Variants in SUN3 observed in about 807,000 individuals in gnomAD.
SUN3 encodes the protein SUN domain-containing protein 3.
A neutral mutation model predicts 48.2 loss-of-function variants in SUN3; 36 were observed. The ratio of observed to expected loss-of-function variants is 0.75; its 90% CI spans 0.57 to 0.99. The LOEUF is 0.99. Ranked by LOEUF, SUN3 falls within the 50% of genes least tolerant of loss-of-function variation. The pLI, the probability that SUN3 is intolerant of heterozygous loss-of-function variation, is 0.00. For missense variants in SUN3, 419 were observed against 433.1 expected (o/e 0.97, Z 0.29); for synonymous variants, 148 against 147.9 (o/e 1.00, Z 0.00).
upstream of SUN3, among the ~76,000 whole-genome samples, chr7:48,033,596 C>T (rs1177466464): frequency 1.3e-5 from 2 of 152,074 alleles, no homozygotes; most frequent in African/African-American, 4.8e-5. Context: ...TAAAAAGTTT[C>T]TTCTAAGGAA....
intron 5 of SUN3, 142 bp downstream of exon 5, chr7:48,007,023 C>A (rs1183232219): frequency 1.6e-5 from 12 of 768,972 alleles, no homozygotes; most frequent in Non-Finnish European, 2.2e-5. Flanking sequence ...TGTACACAAA[C>A]CAAATATCAG....
At chr7:48,007,937 C>T (rs1789577379) in intron 4 of SUN3, among the ~76,000 whole-genome samples, 1 of 151,648 alleles carries the variant, frequency 6.6e-6, no homozygotes, top group South Asian at 2.1e-4. Context: ...GATTCTCTTG[C>T]CTCAGCCTCC....
intron 3 of SUN3, among the ~76,000 whole-genome samples, chr7:48,012,286 A>G (rs1388460290): frequency 2.6e-5 from 4 of 152,198 alleles, no homozygotes; most frequent in Admixed American, 2.6e-4. Context: ...GTTTGTCTGC[A>G]TGTGCTGTCA....
At chr7:48,005,926 C>T (rs78485931) in intron 6 of SUN3, 43 bp downstream of exon 6, 3 of 1,111,318 alleles carry the variant, frequency 2.7e-6, no homozygotes, top group Admixed American at 2.3e-5. Flanking sequence ...CTGAAGCATT[C>T]TTTTTTTTTT....
chr7:48,027,445 T>C (rs967722293), intron 1 of SUN3, among the ~76,000 whole-genome samples: 7 of 152,086 alleles, frequency 4.6e-5, no homozygotes, highest in Non-Finnish European at 1.0e-4. Flanking sequence ...TACAAAGTGG[T>C]TGTAATGACA....
chr7:48,017,340 T>C lies in SUN3; in HGVS notation c.210A>G (p.Lys70=). 6.2e-7 allele frequency: 1 copy of C among 1,607,300 alleles called. No homozygotes were observed. The highest frequency in any genetic ancestry group is 8.5e-7 in the Non-Finnish European group (1 of 1,175,140). Residue 70 remains lysine (K), a synonymous_variant, in exon 3 of 10, where the codon AAA becomes AAG. Transcript: ENST00000297325. ...TGGATTTCTGAGGAACATCTGTTTCTTTAAGCCACTGATGATTTAGGAGTC... is the reference window on the plus strand; with the variant it reads ...TGGATTTCTGAGGAACATCTGTTTCCTTAAGCCACTGATGATTTAGGAGTC... ...LVGLLNHQWL[K]ETDVPQKSRQ...
intron 2 of SUN3, among the ~76,000 whole-genome samples, chr7:48,022,199 TG>T (rs891963303): frequency 1.2e-4 from 18 of 152,098 alleles, no homozygotes; most frequent in African/African-American, 4.3e-4. Flanking sequence ...CTCAATTATT[TG>T]TGGGAGCTAA....
Position 47,988,868 on chromosome 7 carries a change from T to C in SUN3, c.874A>G (p.Lys292Glu). Reference protein sequence around the residue: ...KEFSVYGITKKCEGEEIFLGQ... With the variant: ...KEFSVYGITKECEGEEIFLGQ... Reference sequence around the variant, plus strand: ...AGGAAAATTTCTTCTCCTTCACATTTTTTTGTGATGCCCTATAAAGAAAGC... The same window carrying C: ...AGGAAAATTTCTTCTCCTTCACATTCTTTTGTGATGCCCTATAAAGAAAGC... Residue 292 changes from lysine (K) to glutamate (E), a missense_variant, in exon 9 of 10, where the codon AAA (lysine) becomes GAA (glutamate). By Grantham distance (56) the Lys-to-Glu change is moderately conservative. Coordinates refer to ENST00000297325, the MANE Select transcript of SUN3 (RefSeq NM_001030019.2). The C allele has an allele frequency of 6.3e-7, 1 of 1,599,940 alleles. No individual in the cohort carries two copies. Among genetic ancestry groups the C allele is most frequent in the South Asian group, 1.1e-5 (1 of 90,248 alleles).
chr7:48,007,940 C>G (rs545451775), intron 4 of SUN3, among the ~76,000 whole-genome samples: 1 of 151,938 alleles, frequency 6.6e-6, no homozygotes, highest in South Asian at 2.1e-4. Context: ...TCTCTTGCCT[C>G]AGCCTCCCCA....
intron 1 of SUN3, among the ~76,000 whole-genome samples, chr7:48,028,312 T>A (rs555163903): frequency 3.9e-5 from 6 of 151,964 alleles, no homozygotes; most frequent in African/African-American, 1.4e-4. Context: ...TCCCCACATA[T>A]GTTCTCACTA....
At chr7:48,013,675 T>C (rs1789738517) in intron 3 of SUN3, among the ~76,000 whole-genome samples, 1 of 152,220 alleles carries the variant, frequency 6.6e-6, no homozygotes, top group African/African-American at 2.4e-5. Context: ...TACATGTCAT[T>C]ATAAAATAAT....
At chr7:48,027,534 G>A (rs1790168446) in intron 1 of SUN3, among the ~76,000 whole-genome samples, 1 of 152,108 alleles carries the variant, frequency 6.6e-6, no homozygotes, top group Admixed American at 6.5e-5. Flanking sequence ...TTAATCTAAC[G>A]TGAAGGCTAT....
At chr7:48,001,531 G>GTTTTTTTTTTT (rs1166666161) in intron 6 of SUN3, among the ~76,000 whole-genome samples, 51 of 110,462 alleles carry the variant, frequency 4.6e-4, no homozygotes, top group African/African-American at 1.3e-3. Flanking sequence ...TGTTTTTTTT[G>GTTTTTTTTTTT]TTTTTTTTTT....
chr7:47,999,748 T>C (rs1384243785), intron 6 of SUN3, among the ~76,000 whole-genome samples: 11 of 152,224 alleles, frequency 7.2e-5, no homozygotes, highest in Non-Finnish European at 1.3e-4. Flanking sequence ...TTGGCCAGGC[T>C]GGTCTCGAAC....
chr7:47,999,249 G>A (rs557596119), intron 6 of SUN3, among the ~76,000 whole-genome samples: 1 of 151,804 alleles, frequency 6.6e-6, no homozygotes, highest in Non-Finnish European at 1.5e-5. Flanking sequence ...GTTTTTTACT[G>A]CATTTATGAA....
intron 2 of SUN3, among the ~76,000 whole-genome samples, chr7:48,022,657 T>A (rs1270262331): frequency 6.6e-6 from 1 of 152,002 alleles, no homozygotes; most frequent in Admixed American, 6.5e-5. Flanking sequence ...AATCTACACA[T>A]CCAAGAAACT....
At chr7:47,989,890 C>G (rs1187085791) in intron 8 of SUN3, among the ~76,000 whole-genome samples, 2 of 152,346 alleles carry the variant, frequency 1.3e-5, no homozygotes, top group African/African-American at 4.8e-5. Flanking sequence ...CTTTGTCAAA[C>G]AAATGCTTGA....
chr7:47,995,986 AC>A, intron 7 of SUN3, 44 bp downstream of exon 7: 1 of 1,233,154 alleles, frequency 8.1e-7, no homozygotes, highest in Non-Finnish European at 1.1e-6. Context: ...AATAATAAGA[AC>A]AAAATTCTAA....
chr7:48,017,159 T>C, intron 3 of SUN3, 103 bp downstream of exon 3: 1 of 626,740 alleles, frequency 1.6e-6, no homozygotes, highest in African/African-American at 1.9e-5. Flanking sequence ...TTTTATTAGA[T>C]ATTCTCATAT....
Sources: gnomAD v4.1 joint callset for allele counts (sites outside exome capture counted in the v4.1 genomes callset) on GRCh38, gnomAD v4.1.1 for gene constraint, MANE v1.5 for transcripts, NCBI Gene and HGNC (gene_info 2026-07-23, HGNC 2026-07-21) for gene names.